Variants in LETM1 observed in about 807,000 individuals in gnomAD.
LETM1 encodes the protein leucine zipper and EF-hand containing transmembrane protein 1, also known as mitochondrial proton/calcium exchanger protein.
A neutral mutation model predicts 74.5 loss-of-function variants in LETM1; 50 were observed. That is an observed-to-expected ratio of 0.67 (90% CI 0.53 to 0.85). The LOEUF is 0.85. LETM1 is among the 40% of genes least tolerant of loss of function. The pLI, the probability that LETM1 is intolerant of heterozygous loss-of-function variation, is 0.00. For synonymous variants in LETM1, 446 were observed against 407.1 expected, an observed-to-expected ratio of 1.10 and a Z score of -1.15; for missense variants, 824 against 967.8, an observed-to-expected ratio of 0.85 and a Z score of 1.97.
chr4:1,842,982 T>C, intron 2 of LETM1: 1 of 323,174 alleles, frequency 3.1e-6, no homozygotes. Context: ...TGGACACAAA[T>C]CCCCCCGGGT....
Position 1,825,668 on chromosome 4 carries a change from C to G in LETM1, c.1096G>C (p.Gly366Arg). ...TCCTTGACATTCAGGCTGTCCACCCCTTCCTCAGCAATCAGCTAGAAAACA... is the reference window on the plus strand; with the variant it reads ...TCCTTGACATTCAGGCTGTCCACCCGTTCCTCAGCAATCAGCTAGAAAACA... ...KADDKLIAEEGVDSLNVKELQ... is the reference protein window; with the variant it reads ...KADDKLIAEERVDSLNVKELQ... The change falls in exon 7 of 14, where the codon GGG becomes CGG. Residue 366 changes from glycine to arginine, a missense_variant. Gly to Arg is a moderately radical substitution (Grantham distance 125). Transcript: ENST00000302787. 1 of 1,613,566 alleles carries G rather than the reference C, an allele frequency of 6.2e-7. No homozygotes were observed. The highest frequency in any genetic ancestry group is 8.5e-7 in the Non-Finnish European group (1 of 1,179,626).
chr4:1,832,401 A>G (rs1348056091), intron 6 of LETM1, among the ~76,000 whole-genome samples: 6 of 152,204 alleles, frequency 3.9e-5, no homozygotes, highest in Non-Finnish European at 8.8e-5. Flanking sequence ...TGGACAGGAC[A>G]GGGCAAAGGG....
chr4:1,842,820 T>C (rs1712749510), intron 2 of LETM1, among the ~76,000 whole-genome samples: 3 of 152,230 alleles, frequency 2.0e-5, no homozygotes, highest in African/African-American at 2.4e-5. Context: ...ACCTATGGTT[T>C]GTGTGCAACA....
At chr4:1,831,601 G>C (rs539310586) in intron 6 of LETM1, among the ~76,000 whole-genome samples, 4 of 152,252 alleles carry the variant, frequency 2.6e-5, no homozygotes, top group Non-Finnish European at 5.9e-5. Context: ...GGTCTCCACT[G>C]ACACCACAGG....
chr4:1,855,365 G>C (rs1234755985), intron 1 of LETM1, among the ~76,000 whole-genome samples: 1 of 152,150 alleles, frequency 6.6e-6, no homozygotes, highest in Non-Finnish European at 1.5e-5. Flanking sequence ...GTGTTCCCCG[G>C]GTGCCGGTCG....
chr4:1,852,364 T>TC (rs1713097528), intron 1 of LETM1, among the ~76,000 whole-genome samples: 1 of 152,142 alleles, frequency 6.6e-6, no homozygotes, highest in East Asian at 1.9e-4. Context: ...GAGCACAGGA[T>TC]CCTTTGTCCT....
At chr4:1,849,003 T>C (rs1243290264) in intron 2 of LETM1, 146 bp downstream of exon 2, 1 of 643,982 alleles carries the variant, frequency 1.6e-6, no homozygotes. Flanking sequence ...ATTTTCAAAA[T>C]GGAAAGATAA....
At position 1,834,801 on chromosome 4, in the gene LETM1, A is replaced by G. The variant is rs571956946; in HGVS notation, c.876+44T>C. 4.4e-6 allele frequency: 7 copies of G among 1,605,880 alleles called. No homozygotes were observed. In the East Asian group the frequency reaches 1.6e-4, roughly 36 times the overall value. On this transcript the variant is annotated intron_variant, in intron 5 of 13. Transcript: ENST00000302787. This position sits in a 1 kb window ranked among gnomAD's most constrained non-coding sequence, Gnocchi z 5.0. ...CGAAAGGGAAACAGAAAATCAGGGA[A>G]GGCTCCCTGGTGAGGTCACAGGGAC...
intron 8 of LETM1, 22 bp downstream of exon 8, chr4:1,823,622 A>G: frequency 1.9e-6 from 3 of 1,611,662 alleles, no homozygotes; most frequent in African/African-American, 1.3e-5. Flanking sequence ...ATGAGGTAAA[A>G]GGGGTCTCCG....
intron 10 of LETM1, among the ~76,000 whole-genome samples, chr4:1,821,714 C>T (rs996309085): frequency 2.0e-5 from 3 of 152,108 alleles, no homozygotes; most frequent in South Asian, 2.1e-4. Context: ...GCAGCACAGG[C>T]GCCTGGAGGC....
At chr4:1,849,262 G>T in intron 1 of LETM1, 53 bp from the exon 2 acceptor site, 1 of 1,305,314 alleles carries the variant, frequency 7.7e-7, no homozygotes, top group Non-Finnish European at 1.1e-6. Context: ...GATTTATACT[G>T]ATACCTTTTT....
chr4:1,821,517 CCT>C (rs1384911404), intron 10 of LETM1, among the ~76,000 whole-genome samples: 7 of 151,882 alleles, frequency 4.6e-5, no homozygotes, highest in Admixed American at 1.3e-4. Context: ...GGTGAAACCC[CCT>C]GTCTACTAAA....
In LETM1 at chr4:1,832,795, G is replaced by C. The variant is rs779708182; in HGVS notation, c.1029C>G (p.Phe343Leu). ...LELQSIGTNN[F>L]LRFQLTMRLR... ...GCCGCATGGTAAGCTGGAAGCGCAG[G>C]AAGTTGTTGGTGCCGATGGACTGTA... The change falls in exon 6 of 14, where the codon TTC becomes TTG. Residue 343 changes from phenylalanine (F) to leucine (L), a missense_variant. Coordinates refer to ENST00000302787, the MANE Select transcript of LETM1 (RefSeq NM_012318.3). 90 of 1,614,242 alleles carry C rather than the reference G, an allele frequency of 5.6e-5. No individual in the cohort carries two copies. Among genetic ancestry groups the C allele is most frequent in the Non-Finnish European group, 7.3e-5 (86 of 1,180,046 alleles).
intron 3 of LETM1, among the ~76,000 whole-genome samples, chr4:1,840,152 T>C (rs764788677): frequency 4.6e-5 from 7 of 151,540 alleles, no homozygotes; most frequent in Non-Finnish European, 1.0e-4. Flanking sequence ...CCAAGGCAGG[T>C]GGATCACTTG....
intron 1 of LETM1, among the ~76,000 whole-genome samples, chr4:1,855,492 G>A (rs1457497435): frequency 1.3e-5 from 2 of 152,254 alleles, no homozygotes; most frequent in Non-Finnish European, 2.9e-5. Flanking sequence ...TGCCCACCCA[G>A]TCTCGTCTCC....
chr4:1,815,061 C>T (rs1344290975), intron 13 of LETM1, among the ~76,000 whole-genome samples: 1 of 152,220 alleles, frequency 6.6e-6, no homozygotes, highest in Admixed American at 6.5e-5. Context: ...CCGGGAGCCA[C>T]GAGGCAGCTT....
At chr4:1,828,123 G>A (rs1461064611) in intron 6 of LETM1, among the ~76,000 whole-genome samples, 6 of 124,150 alleles carry the variant, frequency 4.8e-5, no homozygotes, top group Admixed American at 7.4e-5. Flanking sequence ...CCTCCCGGAC[G>A]GGGCGGCTGG....
Position 1,834,720 on chromosome 4 carries a change from G to T in LETM1, c.876+125C>A. On this transcript the variant is annotated intron_variant, in intron 5 of 13. Transcript: ENST00000302787. This position sits in a 1 kb window ranked among gnomAD's most constrained non-coding sequence, Gnocchi z 5.0. The stretch of plus-strand genomic sequence containing the variant: ...CACTGGCCCCCGACTGAGCCTCCTG[G>T]GTAAACTTTCAAGCGCCAGCCAGCA... 1.3e-6 allele frequency: 2 copies of T among 1,518,616 alleles called. No individual in the cohort carries two copies. The highest frequency in any genetic ancestry group is 1.3e-5 in the South Asian group (1 of 76,096). 94.1% of individuals were successfully genotyped at this position (1,518,616 alleles called of 1,614,324 possible). A position where few individuals can be genotyped will look rare whatever the true frequency, so the allele number is the denominator to read the frequency against.
intron 1 of LETM1, among the ~76,000 whole-genome samples, chr4:1,854,033 A>G (rs1039964240): frequency 1.3e-5 from 2 of 152,236 alleles, no homozygotes; most frequent in Non-Finnish European, 2.9e-5. Flanking sequence ...AAGTACTTTT[A>G]TCACCATCAA....
Sources: allele counts gnomAD v4.1 joint callset (sites outside exome capture counted in the v4.1 genomes callset), GRCh38; gene constraint gnomAD v4.1.1; non-coding constraint Gnocchi (gnomAD v3.1); transcripts MANE v1.5; gene names NCBI Gene and HGNC (gene_info 2026-07-23, HGNC 2026-07-21).